The following FGF14 variants were observed in gnomAD, a reference collection of about 807,000 sequenced individuals.
FGF14 encodes the protein fibroblast growth factor homologous factor 4.
A neutral mutation model predicts 25.5 loss-of-function variants in FGF14; 5 were observed. The observed-to-expected ratio is 0.20, with a 90% CI of 0.10 to 0.41. The LOEUF (loss-of-function observed/expected upper bound fraction) is 0.41. Ranked by LOEUF, FGF14 falls within the 10% of genes least tolerant of loss-of-function variation. The probability of loss-of-function intolerance (pLI) is 1.00; values close to 1 mark genes in which losing one functional copy is unlikely to be tolerated. For missense variants in FGF14, 222 were observed against 320.1 expected, an observed-to-expected ratio of 0.69 and a Z score of 2.34; for synonymous variants, 138 against 118.3, an observed-to-expected ratio of 1.17 and a Z score of -1.08.
intron 1 of FGF14, among the ~76,000 whole-genome samples, chr13:102,019,129 A>G (rs2040500233): frequency 6.6e-6 from 1 of 152,148 alleles, no homozygotes; most frequent in Non-Finnish European, 1.5e-5. Context: ...AGTCATGACA[A>G]TTTTGAGAAT....
chr13:102,279,746 C>A (rs774196809), intron 1 of FGF14, among the ~76,000 whole-genome samples: 3 of 152,090 alleles, frequency 2.0e-5, no homozygotes, highest in Non-Finnish European at 4.4e-5. Flanking sequence ...TTCTTGGAAA[C>A]AACACAGTCT....
chr13:101,756,437 T>G (rs1038935975), intron 3 of FGF14, among the ~76,000 whole-genome samples: 1 of 152,188 alleles, frequency 6.6e-6, no homozygotes, highest in Non-Finnish European at 1.5e-5. Context: ...AGAAACACTC[T>G]TTAAAATAGT....
intron 1 of FGF14, among the ~76,000 whole-genome samples, chr13:102,252,045 C>T (rs2052203794): frequency 1.3e-5 from 2 of 152,124 alleles, no homozygotes; most frequent in African/African-American, 4.8e-5. Context: ...ATCCCAGACA[C>T]CTGTATATCG....
rs2047186414 is a variant in FGF14 at position 102,153,608 on chromosome 13, TA to T, written c.208+247862del. ...TTTGTTTATTTTATTTTTATTGAGG[TA>T]AAAAATGTATACAATTTACCCTATT... is the stretch of plus-strand genomic sequence containing the variant. On this transcript the variant is annotated intron_variant, in intron 1 of 4. Coordinates refer to the FGF14 transcript ENST00000376131. Among the ~76,000 whole-genome samples the T allele has an allele frequency of 2.0e-5, 3 of 152,330 alleles. No homozygotes were observed. In the East Asian group the frequency reaches 5.8e-4, roughly 29 times the overall value.
intron 1 of FGF14, among the ~76,000 whole-genome samples, chr13:102,185,885 G>C (rs1594322619): frequency 6.6e-6 from 1 of 152,156 alleles, no homozygotes; most frequent in East Asian, 1.9e-4. Flanking sequence ...ACGTTGTGAA[G>C]TCACTGTTTA....
At chr13:101,812,600 T>A (rs1398508874) in intron 3 of FGF14, among the ~76,000 whole-genome samples, 1 of 138,190 alleles carries the variant, frequency 7.2e-6, no homozygotes, top group African/African-American at 2.6e-5. Flanking sequence ...TATTTTTTTA[T>A]ATTTTTAAAA....
At chr13:101,898,341 AACACACACACACACAC>A (rs55676818) in intron 1 of FGF14, among the ~76,000 whole-genome samples, 5 of 144,372 alleles carry the variant, frequency 3.5e-5, no homozygotes, top group East Asian at 2.1e-4. Context: ...TGAAACATAC[AACACACACACACACAC>A]ACACACACAC....
intron 1 of FGF14, among the ~76,000 whole-genome samples, chr13:102,307,879 T>C (rs1047417983): frequency 3.9e-5 from 6 of 152,130 alleles, no homozygotes; most frequent in African/African-American, 1.4e-4. Flanking sequence ...TTCTAGGTAA[T>C]AGGCCAAGTA....
intron 1 of FGF14, among the ~76,000 whole-genome samples, chr13:102,012,463 G>A (rs551925558): frequency 6.6e-6 from 1 of 151,108 alleles, no homozygotes; most frequent in East Asian, 1.9e-4. Context: ...GTGTCTGAAA[G>A]GTTCATACAC....
At chr13:102,398,899 T>TA (rs773591973) in intron 1 of FGF14, among the ~76,000 whole-genome samples, 35 of 147,864 alleles carry the variant, frequency 2.4e-4, no homozygotes, top group African/African-American at 8.1e-4. Context: ...TAATATATAA[T>TA]ATATATATAT....
At chr13:102,072,692 A>G (rs1178930514) in intron 1 of FGF14, among the ~76,000 whole-genome samples, 1 of 152,244 alleles carries the variant, frequency 6.6e-6, no homozygotes, top group Non-Finnish European at 1.5e-5. Context: ...ACTATTTTAC[A>G]TAAGAAAGGA....
intron 1 of FGF14, among the ~76,000 whole-genome samples, chr13:102,387,974 C>T (rs1487942568): frequency 6.6e-6 from 1 of 152,116 alleles, no homozygotes; most frequent in African/African-American, 2.4e-5. Flanking sequence ...ATGATCCACA[C>T]GCCTCAGCCT....
intron 1 of FGF14, among the ~76,000 whole-genome samples, chr13:102,259,223 C>G (rs2141107997): frequency 6.6e-6 from 1 of 152,326 alleles, no homozygotes; most frequent in Middle Eastern, 3.4e-3. Flanking sequence ...CAGCTCATCC[C>G]TCCAGGTCCA....
intron 3 of FGF14, among the ~76,000 whole-genome samples, chr13:101,867,057 C>T (rs2044746680): frequency 6.6e-6 from 1 of 152,124 alleles, no homozygotes; most frequent in Admixed American, 6.6e-5. Context: ...CAGTAACAAG[C>T]CTTAAATTGT....
chr13:101,900,290 G>A lies in FGF14; in HGVS notation c.193+16163C>T, dbSNP rs145368655. On this transcript the variant is annotated intron_variant, in intron 1 of 4. Transcript: ENST00000376143. ...TATACTTGCACAAAGTTAAAAGAAC[G>A]CAAATTTAACCTAAAGGAATTAAAA... Among the ~76,000 whole-genome samples, 4 of 151,782 alleles carry A rather than the reference G, an allele frequency of 2.6e-5. No homozygotes were observed. In the East Asian group the frequency reaches 5.8e-4, roughly 22 times the overall value.
At chr13:102,299,752 T>G (rs2054929167) in intron 1 of FGF14, 1 of 152,046 alleles carries the variant, frequency 6.6e-6, no homozygotes. Context: ...ACCTTGAGCC[T>G]AAAAGCACAA....
chr13:102,377,099 T>C (rs2058058862), intron 1 of FGF14, among the ~76,000 whole-genome samples: 2 of 151,958 alleles, frequency 1.3e-5, no homozygotes, highest in East Asian at 1.9e-4. Flanking sequence ...TTTTTTTTTT[T>C]CCTAAGAAAA....
chr13:101,914,216 TATA>T (rs1252643044), intron 1 of FGF14, among the ~76,000 whole-genome samples: 1 of 151,014 alleles, frequency 6.6e-6, no homozygotes, highest in Non-Finnish European at 1.5e-5. Flanking sequence ...TATTGTTATA[TATA>T]ATAATATAAA....
Position 102,186,225 on chromosome 13 carries a change from CAG to C in FGF14, c.208+215244_208+215245del, listed in dbSNP as rs546496784. 8.5e-5 allele frequency among the ~76,000 whole-genome samples: 13 copies of C among 152,170 alleles called. No homozygotes were observed. The South Asian group carries it at 2.5e-3, about 29-fold the overall frequency. On this transcript the variant is annotated intron_variant, in intron 1 of 4. Coordinates refer to the FGF14 transcript ENST00000376131. ...ATAAGCGCAGCATTTCCCTAGGTAA[CAG>C]AAATATTTTCTCTTAAGATGGCTTA...
Sources: gnomAD v4.1 joint callset for allele counts (sites outside exome capture counted in the v4.1 genomes callset) on GRCh38, gnomAD v4.1.1 for gene constraint, MANE v1.5 for transcripts, NCBI Gene and HGNC (gene_info 2026-07-23, HGNC 2026-07-21) for gene names.